The following GMDS variants were observed in gnomAD, a reference collection of about 807,000 sequenced individuals.
The protein encoded by GMDS is GDP-mannose 4,6-dehydratase.
Under a neutral mutation model 49.9 loss-of-function variants are expected in GMDS, and 20 were observed. The ratio of observed to expected loss-of-function variants is 0.40; its 90% CI spans 0.28 to 0.58. The LOEUF (loss-of-function observed/expected upper bound fraction) is 0.58. Ranked by LOEUF, GMDS falls within the 20% of genes least tolerant of loss-of-function variation. The pLI, the probability that GMDS is intolerant of heterozygous loss-of-function variation, is 0.42. For missense variants in GMDS, 362 were observed against 481.4 expected, an observed-to-expected ratio of 0.75 and a Z score of 2.32; for synonymous variants, 177 against 178.6, an observed-to-expected ratio of 0.99 and a Z score of 0.07.
chr6:1,650,085 C>T (rs1763606074), intron 9 of GMDS, among the ~76,000 whole-genome samples: 1 of 152,198 alleles, frequency 6.6e-6, no homozygotes, highest in African/African-American at 2.4e-5. Context: ...AGTGGCAATG[C>T]TGGCCGTAAT....
chr6:2,157,441 CAAGT>C (rs1777164527), intron 1 of GMDS, among the ~76,000 whole-genome samples: 1 of 152,202 alleles, frequency 6.6e-6, no homozygotes, highest in Non-Finnish European at 1.5e-5. Context: ...AGCCAGGAAA[CAAGT>C]AAGTGGTAAG....
At chr6:2,093,663 T>C (rs1773441638) in intron 4 of GMDS, among the ~76,000 whole-genome samples, 1 of 152,064 alleles carries the variant, frequency 6.6e-6, no homozygotes, top group Admixed American at 6.5e-5. Context: ...ATGTTGCTTA[T>C]TGCAAAAAGA....
intron 9 of GMDS, among the ~76,000 whole-genome samples, chr6:1,724,254 C>T (rs565116162): frequency 2.8e-4 from 42 of 152,254 alleles, no homozygotes; most frequent in African/African-American, 9.4e-4. Flanking sequence ...AATCAGACAC[C>T]ACTCTTATAC....
At chr6:2,066,301 C>T (rs972346984) in intron 4 of GMDS, among the ~76,000 whole-genome samples, 4 of 148,054 alleles carry the variant, frequency 2.7e-5, no homozygotes, top group African/African-American at 1.0e-4. Flanking sequence ...CGGTACCAGC[C>T]ACTGCAAAAT....
At chr6:2,070,261 C>A (rs1363476602) in intron 4 of GMDS, among the ~76,000 whole-genome samples, 1 of 122,380 alleles carries the variant, frequency 8.2e-6, no homozygotes, top group Non-Finnish European at 1.6e-5. Flanking sequence ...CACTCTGGGG[C>A]CTGTTGTGGG....
intron 9 of GMDS, among the ~76,000 whole-genome samples, chr6:1,631,364 C>T (rs980276366): frequency 6.6e-6 from 1 of 152,092 alleles, no homozygotes; most frequent in African/African-American, 2.4e-5. Context: ...CTTATCTTTA[C>T]CCCGCACCTT....
intron 7 of GMDS, among the ~76,000 whole-genome samples, chr6:1,850,628 T>A (rs1025832591): frequency 1.2e-4 from 19 of 152,068 alleles, no homozygotes; most frequent in African/African-American, 4.6e-4. Context: ...ATGCATTAAT[T>A]TAAAAAGGGA....
At chr6:1,885,959 A>G (rs1022846846) in intron 7 of GMDS, among the ~76,000 whole-genome samples, 21 of 152,344 alleles carry the variant, frequency 1.4e-4, no homozygotes, top group African/African-American at 3.6e-4. Flanking sequence ...CTGTCTGTAG[A>G]AACGTGAAGG....
chr6:1,939,888 C>T (rs184128918), intron 6 of GMDS, among the ~76,000 whole-genome samples: 215 of 152,246 alleles, frequency 1.4e-3, no homozygotes, highest in Non-Finnish European at 2.1e-3. Context: ...CAACCTTGGG[C>T]GCCCTCTGAT....
intron 7 of GMDS, among the ~76,000 whole-genome samples, chr6:1,770,399 T>C (rs1021102969): frequency 1.5e-4 from 23 of 152,238 alleles, no homozygotes; most frequent in Non-Finnish European, 3.4e-4. Flanking sequence ...TAAAGCTGTG[T>C]GGGACACAAG....
intron 4 of GMDS, among the ~76,000 whole-genome samples, chr6:1,995,699 T>G (rs1262181898): frequency 1.3e-5 from 2 of 152,130 alleles, no homozygotes; most frequent in East Asian, 3.9e-4. Flanking sequence ...TCCAAGACAT[T>G]CCTGGTTACT....
chr6:2,059,495 T>G (rs1485366132), intron 4 of GMDS, among the ~76,000 whole-genome samples: 1 of 149,576 alleles, frequency 6.7e-6, no homozygotes, highest in East Asian at 2.0e-4. Flanking sequence ...GATCACGAGG[T>G]CAGGAGATCG....
rs967122580 is a variant in GMDS at position 1,872,755 on chromosome 6, C to T, written c.771+57348G>A. Reference sequence around the variant, plus strand: ...CAAGCTGTCCCAGCACTTCAAAGCCCCATTAAGGGGAAACCTTTTAATGAC... The same window carrying T: ...CAAGCTGTCCCAGCACTTCAAAGCCTCATTAAGGGGAAACCTTTTAATGAC... On this transcript the variant is annotated intron_variant, in intron 7 of 10. Transcript: ENST00000380815. Among the ~76,000 whole-genome samples, 28 of 152,246 alleles carry T rather than the reference C, an allele frequency of 1.8e-4. 1 individual carries two copies. The highest frequency in any genetic ancestry group is 5.1e-4 in the African/African-American group (21 of 41,460).
intron 4 of GMDS, among the ~76,000 whole-genome samples, chr6:2,048,318 C>A (rs1279761004): frequency 1.3e-5 from 2 of 152,140 alleles, no homozygotes; most frequent in Non-Finnish European, 2.9e-5. Flanking sequence ...TTCCATATGG[C>A]CAGCATCAAT....
Position 2,237,666 on chromosome 6 carries a change from C to T in GMDS, c.102+7655G>A, listed in dbSNP as rs115072722. Among the ~76,000 whole-genome samples the T allele has an allele frequency of 6.0e-3, 904 of 151,852 alleles. 8 individuals carry two copies. Among genetic ancestry groups the T allele is most frequent in the African/African-American group, 0.02 (839 of 41,386 alleles). On this transcript the variant is annotated intron_variant, in intron 1 of 10. Transcript: ENST00000380815. The stretch of plus-strand genomic sequence containing the variant: ...CCTCCCGAGTACTTGAGATTCCAGG[C>T]GCCCACCACCATGCCAGGCTAATTT...
intron 4 of GMDS, among the ~76,000 whole-genome samples, chr6:1,990,209 T>C (rs1459185887): frequency 6.6e-6 from 1 of 152,102 alleles, no homozygotes; most frequent in African/African-American, 2.4e-5. Flanking sequence ...GGCAGGAGAA[T>C]CGCTTGAACC....
chr6:2,115,153 C>T (rs1432060007), intron 4 of GMDS, among the ~76,000 whole-genome samples: 1 of 152,152 alleles, frequency 6.6e-6, no homozygotes, highest in Admixed American at 6.5e-5. Context: ...GCAACAAAAA[C>T]TTGAATTAAG....
chr6:1,743,392 AAT>A (rs201584741), intron 7 of GMDS, among the ~76,000 whole-genome samples: 63,376 of 149,930 alleles, frequency 0.42, 14,013 homozygotes, highest in East Asian at 0.64. Context: ...ATACAAAAAA[AAT>A]TAGCCGGGCG....
rs1303757448 is a variant in GMDS at position 1,996,064 on chromosome 6, TTTTC to T, written c.346-35102_346-35099del. 3.0e-4 allele frequency among the ~76,000 whole-genome samples: 45 copies of T among 152,154 alleles called. 1 individual carries two copies. The South Asian group carries it at 8.9e-3, about 30-fold the overall frequency. Reference sequence around the variant, plus strand: ...GGCTTTGGGATAGCCTCTTCTTTTCTTTTCTTTCTTTCCTTCTTTTCTTCTTCTC... The same window carrying T: ...GGCTTTGGGATAGCCTCTTCTTTTCTTTTCTTTCCTTCTTTTCTTCTTCTC... On this transcript the variant is annotated intron_variant, in intron 4 of 10. Coordinates refer to ENST00000380815, the MANE Select transcript of GMDS (RefSeq NM_001500.4).
Sources: allele counts gnomAD v4.1 joint callset (sites outside exome capture counted in the v4.1 genomes callset), GRCh38; gene constraint gnomAD v4.1.1; transcripts MANE v1.5; gene names NCBI Gene and HGNC (gene_info 2026-07-23, HGNC 2026-07-21).